Variants in STK10 observed in about 807,000 individuals in gnomAD.
STK10 encodes serine/threonine kinase 10, also known as serine/threonine-protein kinase 10.
In STK10, 78 loss-of-function variants were observed where a neutral mutation model predicts 113.8. The observed-to-expected ratio is 0.69, with a 90% CI of 0.57 to 0.83. STK10 has a LOEUF of 0.83. Ranked by LOEUF, STK10 falls within the 40% of genes least tolerant of loss-of-function variation. STK10 has a pLI of 0.00. For missense variants in STK10, 1,109 were observed against 1,280.1 expected (o/e 0.87, Z 2.04); for synonymous variants, 465 against 494.7 (o/e 0.94, Z 0.80).
At chr5:172,152,594 C>T (rs1464106298) in intron 2 of STK10, among the ~76,000 whole-genome samples, 1 of 152,128 alleles carries the variant, frequency 6.6e-6, no homozygotes, top group Non-Finnish European at 1.5e-5. Flanking sequence ...CGAAATGTGG[C>T]GACGGTAGAG....
At chr5:172,078,709 C>T (rs557725111) in intron 12 of STK10, among the ~76,000 whole-genome samples, 101 of 149,114 alleles carry the variant, frequency 6.8e-4, no homozygotes, top group Non-Finnish European at 9.5e-4. Context: ...AAGAAAAACA[C>T]CCATAGAAAA....
chr5:172,148,833 C>T (rs1770144195), intron 2 of STK10, among the ~76,000 whole-genome samples: 1 of 152,234 alleles, frequency 6.6e-6, no homozygotes, highest in South Asian at 2.1e-4. Context: ...GTGGGACGAG[C>T]CTCTCCACTC....
intron 2 of STK10, among the ~76,000 whole-genome samples, chr5:172,150,763 C>A (rs1770207469): frequency 6.6e-6 from 1 of 152,200 alleles, no homozygotes. Flanking sequence ...CCCATCCATG[C>A]CCTGCTCTTG....
rs752980281 is a variant in STK10 at position 172,096,444 on chromosome 5, GTCC to G, written c.984_986del (p.Glu328del). ...GCCTTACGGAGGCGGCATCCACGGC[GTCC>G]TCCTCTTCCCCCTCATCCCGGCCGT... On this transcript the variant is annotated inframe_deletion, in exon 8 of 19. Coordinates refer to ENST00000176763, the MANE Select transcript of STK10 (RefSeq NM_005990.4). 1.2e-6 allele frequency: 2 copies of G among 1,612,766 alleles called. No individual in the cohort carries two copies. Among genetic ancestry groups the G allele is most frequent in the East Asian group, 2.2e-5 (1 of 44,894 alleles).
rs1047697782 is a variant in STK10 at position 172,042,434 on chromosome 5, G to T, written c.*2448C>A. ...CTCAGGCGGCACTGAGCGGGGACGC[G>T]GCAACTCCTTGAAGGGCAAAAGTGA... is the stretch of plus-strand genomic sequence containing the variant. On this transcript the variant is annotated 3_prime_UTR_variant, in exon 19 of 19. Coordinates refer to ENST00000176763, the MANE Select transcript of STK10 (RefSeq NM_005990.4). The T allele has an allele frequency of 1.3e-5, 2 of 152,620 alleles. 1 individual carries two copies. The highest frequency in any genetic ancestry group is 4.1e-4 in the South Asian group (2 of 4,834). The allele number at this position is 152,620 out of a possible 1,614,324, so 9.5% of individuals were successfully genotyped here.
At chr5:172,080,406 G>C (rs1768403379) in intron 12 of STK10, among the ~76,000 whole-genome samples, 2 of 152,172 alleles carry the variant, frequency 1.3e-5, no homozygotes, top group African/African-American at 4.8e-5. Flanking sequence ...AAATGATGAA[G>C]CTTAGTGAGG....
intron 1 of STK10, among the ~76,000 whole-genome samples, chr5:172,178,281 G>A (rs576091162): frequency 6.6e-4 from 100 of 152,270 alleles, no homozygotes; most frequent in South Asian, 1.9e-3. Flanking sequence ...ACATCAGGCC[G>A]CTACATCAGG....
At chr5:172,119,837 C>T (rs1043990170) in intron 3 of STK10, among the ~76,000 whole-genome samples, 8 of 149,998 alleles carry the variant, frequency 5.3e-5, no homozygotes, top group Non-Finnish European at 1.5e-5. Context: ...GCACTCCAGC[C>T]TGGGCGACAG....
At chr5:172,080,863 T>C (rs1029031432) in intron 12 of STK10, among the ~76,000 whole-genome samples, 2 of 152,246 alleles carry the variant, frequency 1.3e-5, no homozygotes, top group Non-Finnish European at 2.9e-5. Flanking sequence ...CACTAAACAA[T>C]GGATTTTCAA....
chr5:172,144,180 A>G (rs35958063), intron 2 of STK10, among the ~76,000 whole-genome samples: 31,157 of 152,270 alleles, frequency 0.2, 3,331 homozygotes, highest in East Asian at 0.3. Context: ...CCACTCAGCT[A>G]ATAAGTGACA....
At chr5:172,114,473 A>ATATATATT (rs1226289994) in intron 4 of STK10, 7 of 47,536 alleles carry the variant, frequency 1.5e-4, no homozygotes, top group African/African-American at 8.5e-4. Flanking sequence ...ATATATATAT[A>ATATATATT]TTTTTTTTTT....
At chr5:172,105,880 C>T (rs763615075) in intron 6 of STK10, 143 bp from the exon 7 acceptor site, 54 of 692,304 alleles carry the variant, frequency 7.8e-5, no homozygotes, top group Middle Eastern at 2.4e-4. Flanking sequence ...AGGGCCTACA[C>T]GACGCCCTTT....
intron 1 of STK10, among the ~76,000 whole-genome samples, chr5:172,165,242 A>G (rs1770548115): frequency 6.6e-6 from 1 of 151,974 alleles, no homozygotes; most frequent in Non-Finnish European, 1.5e-5. Flanking sequence ...CACAGACCTC[A>G]GGACAGTGAG....
intron 10 of STK10, among the ~76,000 whole-genome samples, chr5:172,089,025 C>T (rs1050859166): frequency 1.3e-5 from 2 of 152,098 alleles, no homozygotes; most frequent in African/African-American, 2.4e-5. Context: ...TCCCTCTTCC[C>T]GGCCACTGCC....
At chr5:172,122,355 C>T (rs1272041362) in intron 3 of STK10, among the ~76,000 whole-genome samples, 3 of 152,168 alleles carry the variant, frequency 2.0e-5, no homozygotes, top group African/African-American at 4.8e-5. Context: ...AAACTCTTCC[C>T]GTTTCCAGTC....
At position 172,073,881 on chromosome 5, in the gene STK10, C is replaced by T. The variant is rs917796880; in HGVS notation, c.1989+8445G>A. On this transcript the variant is annotated intron_variant, in intron 12 of 18. Transcript: ENST00000176763. ...CTGGGAGGCTGAGGCAAGAGAAACG[C>T]TTGAACCTGGGAGGCGGAGGTTGTA... Among the ~76,000 whole-genome samples, 4 of 150,656 alleles carry T rather than the reference C, an allele frequency of 2.7e-5. No homozygotes were observed. The East Asian group carries it at 7.7e-4, about 29-fold the overall frequency.
chr5:172,091,883 C>T (rs1768718183), intron 9 of STK10, among the ~76,000 whole-genome samples: 1 of 152,178 alleles, frequency 6.6e-6, no homozygotes, highest in South Asian at 2.1e-4. Flanking sequence ...ACGGGGCCTC[C>T]CAGCCCCTGA....
At chr5:172,118,878 C>CAAAAAAAAGAA in intron 3 of STK10, among the ~76,000 whole-genome samples, 1 of 71,310 alleles carries the variant, frequency 1.4e-5, no homozygotes, top group Non-Finnish European at 2.8e-5. Flanking sequence ...GACTCAGTCT[C>CAAAAAAAAGAA]AAAAAAAAAA....
At chr5:172,048,612 C>G (rs573300440) in intron 18 of STK10, among the ~76,000 whole-genome samples, 87 of 110,358 alleles carry the variant, frequency 7.9e-4, no homozygotes, top group Non-Finnish European at 1.2e-3. Context: ...ACCTCTGATA[C>G]CATCCTAGTT....
Sources: allele counts gnomAD v4.1 joint callset (sites outside exome capture counted in the v4.1 genomes callset), GRCh38; gene constraint gnomAD v4.1.1; transcripts MANE v1.5; gene names NCBI Gene and HGNC (gene_info 2026-07-23, HGNC 2026-07-21).